The following BANK1 variants were observed in gnomAD, a reference collection of about 807,000 sequenced individuals.
BANK1 encodes B cell scaffold protein with ankyrin repeats 1.
In BANK1, 95 loss-of-function variants were observed where a neutral mutation model predicts 94.5. The observed-to-expected ratio is 1.00, with a 90% CI of 0.85 to 1.19. BANK1 has a LOEUF of 1.19. Ranked by LOEUF, BANK1 falls within the 50% of genes most tolerant of loss-of-function variation. BANK1 has a pLI of 0.00. For synonymous variants in BANK1, 334 were observed against 308.4 expected (o/e 1.08, Z -0.87); for missense variants, 987 against 932.2 (o/e 1.06, Z -0.77).
At chr4:101,924,304 T>G (rs750271624) in intron 7 of BANK1, among the ~76,000 whole-genome samples, 1 of 150,830 alleles carries the variant, frequency 6.6e-6, no homozygotes, top group Non-Finnish European at 1.5e-5. Context: ...TTTAACAGAG[T>G]AAAGCAAAAA....
intron 10 of BANK1, among the ~76,000 whole-genome samples, chr4:102,038,342 CAG>C (rs1727589680): frequency 6.6e-6 from 1 of 152,126 alleles, no homozygotes. Flanking sequence ...TTATAGTTTG[CAG>C]AGTCTTCCAT....
At chr4:101,814,995 C>G (rs148688572) in intron 1 of BANK1, among the ~76,000 whole-genome samples, 155 of 152,094 alleles carry the variant, frequency 1.0e-3, no homozygotes, top group African/African-American at 3.5e-3. Flanking sequence ...AATAAATAAC[C>G]CTCTTCAATG....
At chr4:101,846,047 G>A (rs1727231899) in intron 2 of BANK1, among the ~76,000 whole-genome samples, 1 of 149,904 alleles carries the variant, frequency 6.7e-6, no homozygotes, top group African/African-American at 2.5e-5. Flanking sequence ...CCCAGTGTAT[G>A]ATGTTCCCTT....
chr4:101,800,652 T>C (rs17266357), intron 1 of BANK1, among the ~76,000 whole-genome samples: 41,914 of 152,172 alleles, frequency 0.28, 5,998 homozygotes, highest in Non-Finnish European at 0.32. Context: ...TGTGTGAATC[T>C]AAGAGACTGA....
intron 7 of BANK1, among the ~76,000 whole-genome samples, chr4:101,994,879 C>CA (rs369242502): frequency 6.6e-6 from 1 of 152,000 alleles, no homozygotes; most frequent in Non-Finnish European, 1.5e-5. Flanking sequence ...ATAACAACAA[C>CA]AAAAAAAGTT....
At chr4:101,805,802 G>A (rs1188205567) in intron 1 of BANK1, among the ~76,000 whole-genome samples, 4 of 151,558 alleles carry the variant, frequency 2.6e-5, no homozygotes, top group African/African-American at 9.7e-5. Context: ...TCTTTGGTTT[G>A]TGGAAGAGCT....
intron 2 of BANK1, among the ~76,000 whole-genome samples, chr4:101,840,179 G>A (rs1224717966): frequency 6.7e-6 from 1 of 149,636 alleles, no homozygotes; most frequent in Admixed American, 6.7e-5. Flanking sequence ...CGTTTTAGCC[G>A]GGATGGTCTC....
In BANK1 at chr4:101,895,429, C is replaced by A. The variant is rs777690663; in HGVS notation, c.1009+19C>A. The A allele has an allele frequency of 4.3e-6, 6 of 1,391,536 alleles. No individual in the cohort carries two copies. The South Asian group carries it at 7.2e-5, about 17-fold the overall frequency. The allele number at this position is 1,391,536 out of a possible 1,614,324, so 86.2% of individuals were successfully genotyped here. A position where few individuals can be genotyped will look rare whatever the true frequency, so the allele number is the denominator to read the frequency against. ...AACAAATGTGAGTATTTTCCAGCTG[C>A]ATCAATTATTCTTTTTATCACATTC... On this transcript the variant is annotated intron_variant, in intron 6 of 16. Coordinates refer to ENST00000322953, the MANE Select transcript of BANK1 (RefSeq NM_017935.5).
In BANK1 at chr4:102,074,283, T is replaced by C. The variant is rs1401724640; in HGVS notation, c.*284T>C. ...CCAATGAAACAGCTAATTTCCATTTTGAAAATTAAAAGAAAACAGCACAGA... is the reference window on the plus strand; with the variant it reads ...CCAATGAAACAGCTAATTTCCATTTCGAAAATTAAAAGAAAACAGCACAGA... On this transcript the variant is annotated 3_prime_UTR_variant, in exon 17 of 17. Coordinates refer to ENST00000322953, the MANE Select transcript of BANK1 (RefSeq NM_017935.5). The C allele has an allele frequency of 6.6e-6, 1 of 152,272 alleles. No individual in the cohort carries two copies. The allele number at this position is 152,272 out of a possible 1,614,324, so 9.4% of individuals were successfully genotyped here. A position where few individuals can be genotyped will look rare whatever the true frequency, so the allele number is the denominator to read the frequency against.
rs532597300 is a variant in BANK1 at position 101,907,299 on chromosome 4, A to G, written c.1010-10694A>G. ...CAGCATATAAACAGAACCAAAGACA[A>G]AAACCACATGGTTATCTCAATAGAT... On this transcript the variant is annotated intron_variant, in intron 6 of 16. Coordinates refer to ENST00000322953, the MANE Select transcript of BANK1 (RefSeq NM_017935.5). Among the ~76,000 whole-genome samples the G allele has an allele frequency of 2.2e-3, 335 of 152,372 alleles. 15 individuals carry two copies. In the South Asian group the frequency reaches 0.068, roughly 31 times the overall value.
intron 8 of BANK1, 137 bp from the exon 9 acceptor site, chr4:102,025,064 A>T (rs1363847844): frequency 7.7e-6 from 7 of 914,346 alleles, no homozygotes; most frequent in Non-Finnish European, 1.2e-5. Context: ...TAAAAGTTAC[A>T]CATTTGACAG....
intron 11 of BANK1, among the ~76,000 whole-genome samples, chr4:102,057,860 A>G (rs1264127435): frequency 1.3e-5 from 2 of 152,174 alleles, no homozygotes; most frequent in Non-Finnish European, 2.9e-5. Context: ...TTATTATAGA[A>G]AGTTAGAGAT....
At chr4:101,862,222 G>C (rs1194528937) in intron 3 of BANK1, among the ~76,000 whole-genome samples, 3 of 152,052 alleles carry the variant, frequency 2.0e-5, no homozygotes, top group Non-Finnish European at 4.4e-5. Flanking sequence ...CTGGTACAGA[G>C]AGCCATATTG....
At chr4:102,027,316 A>G (rs1250508571) in intron 9 of BANK1, among the ~76,000 whole-genome samples, 3 of 152,226 alleles carry the variant, frequency 2.0e-5, no homozygotes, top group African/African-American at 4.8e-5. Flanking sequence ...GACTCTATCA[A>G]GGGTCTTCAT....
intron 1 of BANK1, among the ~76,000 whole-genome samples, chr4:101,819,449 A>G (rs1726053345): frequency 1.3e-5 from 2 of 152,042 alleles, no homozygotes. Context: ...CCAAACAAGA[A>G]TTGTTTTGTT....
chr4:101,799,574 C>T (rs113393892), intron 1 of BANK1, among the ~76,000 whole-genome samples: 2,462 of 152,182 alleles, frequency 0.016, 73 homozygotes, highest in African/African-American at 0.056. Context: ...AATGACAGAC[C>T]GGATTAAGAA....
intron 9 of BANK1, 98 bp from the exon 10 acceptor site, chr4:102,029,862 A>C: frequency 8.4e-7 from 1 of 1,186,744 alleles, no homozygotes; most frequent in Non-Finnish European, 1.2e-6. Context: ...ACGGCACTTG[A>C]CTAAGCCACC....
intron 6 of BANK1, among the ~76,000 whole-genome samples, chr4:101,915,540 TAAC>T (rs1722799129): frequency 6.6e-6 from 1 of 152,088 alleles, no homozygotes; most frequent in African/African-American, 2.4e-5. Flanking sequence ...TTGAGACAAT[TAAC>T]AAGAGAAATA....
chr4:101,881,084 A>C (rs1164849173), intron 5 of BANK1, among the ~76,000 whole-genome samples: 2 of 152,158 alleles, frequency 1.3e-5, no homozygotes, highest in African/African-American at 4.8e-5. Context: ...GATAATATTG[A>C]GTTAAAAAGT....
Sources: allele counts gnomAD v4.1 joint callset (sites outside exome capture counted in the v4.1 genomes callset), GRCh38; gene constraint gnomAD v4.1.1; transcripts MANE v1.5; gene names NCBI Gene and HGNC (gene_info 2026-07-23, HGNC 2026-07-21).